Variants in CXXC1 observed in about 807,000 individuals in gnomAD.
CXXC1 encodes CXXC-type zinc finger protein 1.
Under a neutral mutation model 83.6 loss-of-function variants are expected in CXXC1, and 21 were observed. That is an observed-to-expected ratio of 0.25 (90% CI 0.18 to 0.36). The LOEUF (loss-of-function observed/expected upper bound fraction) is 0.36, where lower values mean the gene tolerates loss of function less well. Ranked by LOEUF, CXXC1 falls within the 10% of genes least tolerant of loss-of-function variation. The pLI, the probability that CXXC1 is intolerant of heterozygous loss-of-function variation, is 1.00. For synonymous variants in CXXC1, 371 were observed against 337.5 expected (o/e 1.10, Z -1.09); for missense variants, 688 against 919.5 (o/e 0.75, Z 3.26).
chr18:50,283,879 C>G lies in CXXC1; in HGVS notation c.1413+15G>C, dbSNP rs761530067. ...AAAGTACAGGCCCTGCTCTGCTGCG[C>G]CCCTGCTTGCTCACCTCCTCATCCT... On this transcript the variant is annotated intron_variant, in intron 10 of 14. Coordinates refer to ENST00000285106, the MANE Select transcript of CXXC1 (RefSeq NM_014593.4). 1 of 1,614,066 alleles carries G rather than the reference C, an allele frequency of 6.2e-7. No individual in the cohort carries two copies. Among genetic ancestry groups the G allele is most frequent in the Non-Finnish European group, 8.5e-7 (1 of 1,179,966 alleles).
At chr18:50,284,593 G>T in intron 8 of CXXC1, 31 bp from the exon 9 acceptor site, 3 of 1,582,448 alleles carry the variant, frequency 1.9e-6, no homozygotes, top group Non-Finnish European at 2.6e-6. Flanking sequence ...GGTCAGGGTG[G>T]AGTCAAAGTC....
rs142578738 is a variant in CXXC1 at position 50,285,761 on chromosome 18, C to T, written c.627G>A (p.Gln209=). The change falls in exon 5 of 15, where the codon CAG becomes CAA. Residue 209 remains glutamine (Q), a synonymous_variant. Coordinates refer to ENST00000285106, the MANE Select transcript of CXXC1 (RefSeq NM_014593.4). This position sits in a 1 kb window ranked among gnomAD's most constrained non-coding sequence, Gnocchi z 4.4. ...TGTCCATGCTCACCCGGGCCCGCAG[C>T]TGGCACTGGCGCAGCCGGCACTTCT... is the stretch of plus-strand genomic sequence containing the variant. ...IRQKCRLRQC[Q]LRARESYKYF... The T allele has an allele frequency of 8.7e-4, 1,410 of 1,613,148 alleles. 11 individuals are homozygous for T. In the African/African-American group the frequency reaches 0.017, roughly 20 times the overall value.
chr18:50,283,212 A>G, intron 13 of CXXC1, 53 bp downstream of exon 13: 1 of 1,456,936 alleles, frequency 6.9e-7, no homozygotes, highest in South Asian at 1.1e-5. Context: ...TGAATGTGGG[A>G]CAGCGAGGCA....
In CXXC1 at chr18:50,286,019, C is replaced by T. The variant is rs753931128; in HGVS notation, c.459+3G>A. The T allele has an allele frequency of 1.2e-6, 2 of 1,613,652 alleles. No homozygotes were observed. The highest frequency in any genetic ancestry group is 2.2e-5 in the East Asian group (1 of 44,870). ...CATCCATTCACTTTATGCAGCCACT[C>T]ACCTGGCTGGGTGTGGCCACCAAGG... On this transcript the variant is annotated splice_donor_region_variant and intron_variant, in intron 4 of 14. Transcript: ENST00000285106.
At chr18:50,286,977 G>T in intron 1 of CXXC1, 119 bp from the exon 2 acceptor site, 1 of 755,904 alleles carries the variant, frequency 1.3e-6, no homozygotes, top group Non-Finnish European at 2.3e-6. Flanking sequence ...TTCACATCGG[G>T]GCCCCCAAAA....
rs770055237 is a variant in CXXC1, at chr18:50,282,544, C to T, written c.*49G>A. The T allele has an allele frequency of 1.3e-6, 2 of 1,592,942 alleles. No individual in the cohort carries two copies. The highest frequency in any genetic ancestry group is 1.7e-6 in the Non-Finnish European group (2 of 1,174,912). On this transcript the variant is annotated 3_prime_UTR_variant, in exon 15 of 15. Coordinates refer to ENST00000285106, the MANE Select transcript of CXXC1 (RefSeq NM_014593.4). This position sits in a 1 kb window ranked among gnomAD's most constrained non-coding sequence, Gnocchi z 5.8. ...GAGGAACGGACACACGGGCACCGGG[C>T]GGCTCCCCCATCTGGAATGCAGGGT...
At position 50,286,288 on chromosome 18, in the gene CXXC1, T is replaced by C. The variant is rs201177748; in HGVS notation, c.224-31A>G. On this transcript the variant is annotated intron_variant, in intron 3 of 14. Transcript: ENST00000285106. The stretch of plus-strand genomic sequence containing the variant: ...GGGCAGAGAGTAGGGCCAAAGTGAG[T>C]GAGCACTGGATGGCTTGAATGGTCC... The C allele has an allele frequency of 1.3e-5, 21 of 1,557,552 alleles. No homozygotes were observed. The African/African-American group carries it at 2.8e-4, about 21-fold the overall frequency.
At position 50,285,244 on chromosome 18, in the gene CXXC1, A is replaced by T; in HGVS notation, c.670T>A (p.Ser224Thr). The part of the protein sequence containing the change: ...ESYKYFPSSL[S>T]PVTPSESLPR... Reference sequence around the variant, plus strand: ...AGGGACTCTGAGGGCGTCACTGGTGAGAGCTGCAGGGCAGAATCTCAGGAC... The same window carrying T: ...AGGGACTCTGAGGGCGTCACTGGTGTGAGCTGCAGGGCAGAATCTCAGGAC... Residue 224 changes from serine to threonine, a missense_variant, in exon 7 of 15, where the codon TCA (serine) becomes ACA (threonine). Ser to Thr is a moderately conservative substitution (Grantham distance 58, BLOSUM62 1). Coordinates refer to ENST00000285106, the MANE Select transcript of CXXC1 (RefSeq NM_014593.4). This position sits in a 1 kb window ranked among gnomAD's most constrained non-coding sequence, Gnocchi z 4.4. 1 of 1,614,086 alleles carries T rather than the reference A, an allele frequency of 6.2e-7. No individual in the cohort carries two copies.
intron 3 of CXXC1, 74 bp downstream of exon 3, chr18:50,286,465 C>T: frequency 7.7e-7 from 1 of 1,297,656 alleles, no homozygotes; most frequent in African/African-American, 1.4e-5. Context: ...CACTAATCCC[C>T]ATAACCCCCC....
rs771208102 is a variant in CXXC1 at position 50,283,823 on chromosome 18, G to T, written c.1414-8C>A. Reference sequence around the variant, plus strand: ...ACTGTCACCCTCGTTGCTCTGCATGGAATGGAAGGAACAATAAGGCTGGGA... The same window carrying T: ...ACTGTCACCCTCGTTGCTCTGCATGTAATGGAAGGAACAATAAGGCTGGGA... On this transcript the variant is annotated splice_polypyrimidine_tract_variant and splice_region_variant and intron_variant, in intron 10 of 14. Transcript: ENST00000285106. 25 of 1,613,946 alleles carry T rather than the reference G, an allele frequency of 1.5e-5. No homozygotes were observed. The Admixed American group carries it at 4.2e-4, about 27-fold the overall frequency.
rs781019870 is a variant in CXXC1, at chr18:50,286,567, G to A, written c.195C>T (p.Ile65=). ...TGCACTCCCGACAGTACCACTCCCG[G>A]ATGGCCTTGGCCATCTTCTCAGTGA... ...IRITEKMAKA[I]REWYCRECRE... The change falls in exon 3 of 15, where the codon ATC becomes ATT. Residue 65 remains isoleucine, a synonymous_variant. Transcript: ENST00000285106. 6.2e-7 allele frequency: 1 copy of A among 1,614,080 alleles called. No individual in the cohort carries two copies. The highest frequency in any genetic ancestry group is 1.1e-5 in the South Asian group (1 of 91,078).
rs74891897 is a variant in CXXC1 at position 50,284,878 on chromosome 18, G to A, written c.913-39C>T. ...ATGCACTGACCCACCTGCCCCGCTC[G>A]TGACAACCCCACCACCTACTCATGT... On this transcript the variant is annotated intron_variant, in intron 7 of 14. Transcript: ENST00000285106. 4.4e-3 allele frequency: 7,147 copies of A among 1,613,388 alleles called. 243 individuals are homozygous for A. The African/African-American group carries it at 0.079, about 18-fold the overall frequency.
intron 1 of CXXC1, 143 bp downstream of exon 1, chr18:50,287,444 A>G: frequency 1.0e-6 from 1 of 1,003,276 alleles, no homozygotes; most frequent in Non-Finnish European, 1.5e-6. Flanking sequence ...CAGATGGTTC[A>G]TCATTCTGCC....
intron 3 of CXXC1, 80 bp downstream of exon 3, chr18:50,286,459 A>G (rs1008700550): frequency 9.7e-6 from 12 of 1,238,588 alleles, no homozygotes; most frequent in Admixed American, 8.7e-5. Flanking sequence ...GTGTATCACT[A>G]ATCCCCATAA....
In CXXC1 at chr18:50,287,640, C is replaced by CCTG; in HGVS notation, c.-54_-52dup. On this transcript the variant is annotated 5_prime_UTR_variant, in exon 1 of 15. Coordinates refer to ENST00000285106, the MANE Select transcript of CXXC1 (RefSeq NM_014593.4). ...ACGACCCCCGCCAGCGACCCGCGAA[C>CCTG]CTGCACAGACCACTCGGCGGCGTCC... 6.2e-7 allele frequency: 1 copy of CCTG among 1,605,098 alleles called. No homozygotes were observed. Among genetic ancestry groups the CCTG allele is most frequent in the Non-Finnish European group, 8.5e-7 (1 of 1,178,524 alleles).
At position 50,284,167 on chromosome 18, in the gene CXXC1, C is replaced by T. The variant is rs114488568; in HGVS notation, c.1206-66G>A. 4.0e-4 allele frequency: 613 copies of T among 1,534,334 alleles called. 2 individuals carry two copies. The African/African-American group carries it at 6.7e-3, about 17-fold the overall frequency. Reference sequence around the variant, plus strand: ...CAGTAAGTGAGAATGGCAAAATAGACGCAAATGGCAAAAGGAGAAGTAAAT... The same window carrying T: ...CAGTAAGTGAGAATGGCAAAATAGATGCAAATGGCAAAAGGAGAAGTAAAT... On this transcript the variant is annotated intron_variant, in intron 9 of 14. Transcript: ENST00000285106.
chr18:50,286,788 G>A lies in CXXC1; in HGVS notation c.74C>T (p.Ala25Val). ...TTTGCGGCAGATGCAGTAGATGGGCGCATTCTCCCCATTCTCGGACTTGCT... is the reference window on the plus strand; with the variant it reads ...TTTGCGGCAGATGCAGTAGATGGGCACATTCTCCCCATTCTCGGACTTGCT... ...EDSKSENGEN[A>V]PIYCICRKPD... The change falls in exon 2 of 15, where the codon GCG (alanine) becomes GTG (valine). Residue 25 changes from alanine (A) to valine (V), a missense_variant. Physicochemically the swap from Ala to Val is moderately conservative, Grantham distance 64. Around this residue, in one of 9 missense-constraint regions of CXXC1, gnomAD observed 51 missense variants for 48.0 expected, o/e 1.06. Coordinates refer to ENST00000285106, the MANE Select transcript of CXXC1 (RefSeq NM_014593.4). 6.2e-7 allele frequency: 1 copy of A among 1,614,064 alleles called. No homozygotes were observed. Among genetic ancestry groups the A allele is most frequent in the Non-Finnish European group, 8.5e-7 (1 of 1,179,962 alleles).
intron 8 of CXXC1, 46 bp downstream of exon 8, chr18:50,284,686 A>G (rs552274515): frequency 6.2e-7 from 1 of 1,609,410 alleles, no homozygotes; most frequent in Admixed American, 1.7e-5. Flanking sequence ...CCTCTCCCTC[A>G]ACCCCACCCT....
At chr18:50,284,923 C>G (rs781734201) in intron 7 of CXXC1, 79 bp downstream of exon 7, 2 of 1,612,130 alleles carry the variant, frequency 1.2e-6, no homozygotes, top group Admixed American at 3.3e-5. Context: ...GCCTTCCATA[C>G]CCTCTGTCTC....
Sources: allele counts gnomAD v4.1 joint callset, GRCh38; gene constraint gnomAD v4.1.1; regional missense constraint gnomAD v4.1.1; non-coding constraint Gnocchi (gnomAD v3.1); transcripts MANE v1.5; gene names NCBI Gene and HGNC (gene_info 2026-07-23, HGNC 2026-07-21).